LPCAT1: variants seen among roughly 807,000 people sequenced by gnomAD.
LPCAT1 encodes the protein lysophosphatidylcholine acyltransferase 1.
A neutral mutation model predicts 60.9 loss-of-function variants in LPCAT1; 23 were observed. The ratio of observed to expected loss-of-function variants is 0.38; its 90% CI spans 0.27 to 0.53. LPCAT1 has a LOEUF of 0.53. Among genes scored for constraint, LPCAT1 ranks in the 20% least tolerant of loss-of-function variants. LPCAT1 has a pLI of 0.82. For synonymous variants in LPCAT1, 340 were observed against 301.1 expected, an observed-to-expected ratio of 1.13 and a Z score of -1.34; for missense variants, 622 against 723.6, an observed-to-expected ratio of 0.86 and a Z score of 1.61.
intron 8 of LPCAT1, among the ~76,000 whole-genome samples, chr5:1,478,110 AT>A (rs1734997707): frequency 1.3e-5 from 2 of 152,288 alleles, no homozygotes; most frequent in African/African-American, 4.8e-5. Context: ...TTTGGAACAG[AT>A]TATTGGCAGC....
chr5:1,474,445 G>A (rs1276160746), intron 10 of LPCAT1, 115 bp downstream of exon 10: 1 of 1,308,450 alleles, frequency 7.6e-7, no homozygotes, highest in Non-Finnish European at 1.0e-6. Flanking sequence ...AAAAAAGCCA[G>A]AATAATTAAT....
In LPCAT1 at chr5:1,477,242, C is replaced by T. The variant is rs184900679; in HGVS notation, c.899+162G>A. Among the ~76,000 whole-genome samples the T allele has an allele frequency of 6.6e-6, 1 of 152,366 alleles. No homozygotes were observed. The highest frequency in any genetic ancestry group is 1.5e-5 in the Non-Finnish European group (1 of 68,040). ...CCATCAGAGGGAAACAAGGGGCGCA[C>T]AGCACAAGGCCAAGCACGCTTCACC... On this transcript the variant is annotated intron_variant, in intron 9 of 13. Transcript: ENST00000283415. This position sits in a 1 kb window ranked among gnomAD's most constrained non-coding sequence, Gnocchi z 6.0.
chr5:1,479,419 G>A, intron 8 of LPCAT1: 1 of 593,512 alleles, frequency 1.7e-6, no homozygotes, highest in Non-Finnish European at 3.0e-6. Context: ...TATCCAAGTG[G>A]TTCAGACTCA....
chr5:1,479,765 C>T lies in LPCAT1; in HGVS notation c.762-90G>A, dbSNP rs924658382. On this transcript the variant is annotated intron_variant, in intron 7 of 13. Coordinates refer to ENST00000283415, the MANE Select transcript of LPCAT1 (RefSeq NM_024830.5). ...AATTCTGGGGTGAAACCTCCAGACG[C>T]GCCCTCCAGAGGGCGCTACTGGGCA... is the stretch of plus-strand genomic sequence containing the variant. 31 of 1,027,628 alleles carry T rather than the reference C, an allele frequency of 3.0e-5. 1 individual carries two copies. In the African/African-American group the frequency reaches 3.3e-4, roughly 11 times the overall value. 63.7% of individuals were successfully genotyped at this position (1,027,628 alleles called of 1,614,324 possible). A position where few individuals can be genotyped will look rare whatever the true frequency, so the allele number is the denominator to read the frequency against.
At chr5:1,479,315 G>A (rs1019781316) in intron 8 of LPCAT1, among the ~76,000 whole-genome samples, 3 of 152,194 alleles carry the variant, frequency 2.0e-5, no homozygotes, top group Non-Finnish European at 2.9e-5. Flanking sequence ...CCAGGAGGTC[G>A]AGGCTGCAGT....
At position 1,496,742 on chromosome 5, in the gene LPCAT1, T is replaced by C. The variant is rs1735809247; in HGVS notation, c.279-1828A>G. 6.6e-6 allele frequency among the ~76,000 whole-genome samples: 1 copy of C among 152,152 alleles called. No homozygotes were observed. ...CTCTAAAGATCTTGGAGGAATTTTA[T>C]ACCCAAACTATCCACATGTGAAAAC... On this transcript the variant is annotated intron_variant, in intron 2 of 13. Coordinates refer to ENST00000283415, the MANE Select transcript of LPCAT1 (RefSeq NM_024830.5). The surrounding 1 kb of genome is among the most constrained non-coding windows in gnomAD (Gnocchi z 4.7).
At position 1,483,826 on chromosome 5, in the gene LPCAT1, C is replaced by T. The variant is rs554512; in HGVS notation, c.668-340G>A. Among the ~76,000 whole-genome samples, 362 of 133,650 alleles carry T rather than the reference C, an allele frequency of 2.7e-3. 7 individuals are homozygous for T. In the East Asian group the frequency reaches 0.066, roughly 24 times the overall value. The allele number at this position is 133,650 out of a possible 152,430, so 87.7% of individuals were successfully genotyped here. Reference sequence around the variant, plus strand: ...GACATCCGTGGAGGGACACTTTCTGCTGTAACATCGCGCACCAGCTGGAAG... The same window carrying T: ...GACATCCGTGGAGGGACACTTTCTGTTGTAACATCGCGCACCAGCTGGAAG... On this transcript the variant is annotated intron_variant, in intron 5 of 13. Transcript: ENST00000283415. The surrounding 1 kb of genome is among the most constrained non-coding windows in gnomAD (Gnocchi z 9.2).
At position 1,463,361 on chromosome 5, in the gene LPCAT1, ACGGGG is replaced by A; in HGVS notation, c.*285_*289del. The A allele has an allele frequency of 2.6e-6, 1 of 389,394 alleles. No individual in the cohort carries two copies. The highest frequency in any genetic ancestry group is 4.7e-5 in the South Asian group (1 of 21,280). The allele number at this position is 389,394 out of a possible 1,614,324, so 24.1% of individuals were successfully genotyped here. A position where few individuals can be genotyped will look rare whatever the true frequency, so the allele number is the denominator to read the frequency against. On this transcript the variant is annotated 3_prime_UTR_variant, in exon 14 of 14. Transcript: ENST00000283415. The stretch of plus-strand genomic sequence containing the variant: ...CGAAACCAGGGCCCCGTGGGAGAAC[ACGGGG>A]CGGCACCGGTGCCCCCCGCCCGGCA...
intron 4 of LPCAT1, 85 bp downstream of exon 4, chr5:1,489,661 G>A: frequency 1.0e-6 from 1 of 991,778 alleles, no homozygotes; most frequent in Non-Finnish European, 1.6e-6. Context: ...CCGGAGGAAG[G>A]GCCCCAGTTT....
rs1191057365 is a variant in LPCAT1 at position 1,493,267 on chromosome 5, C to T, written c.493+1433G>A. Among the ~76,000 whole-genome samples the T allele has an allele frequency of 7.2e-5, 11 of 152,362 alleles. No homozygotes were observed. In the South Asian group the frequency reaches 1.4e-3, roughly 20 times the overall value. ...CCACCCACAACTGCCCAGCTGCAGG[C>T]ACAGTCTGGACACCTTCCGGCTGCT... On this transcript the variant is annotated intron_variant, in intron 3 of 13. Transcript: ENST00000283415.
intron 12 of LPCAT1, among the ~76,000 whole-genome samples, chr5:1,467,570 G>C (rs775754502): frequency 9.2e-5 from 14 of 152,126 alleles, no homozygotes; most frequent in Admixed American, 2.6e-4. Flanking sequence ...ACTCCACGGC[G>C]CTCCCCTCCC....
In LPCAT1 at chr5:1,487,118, A is replaced by G. The variant is rs1273912322; in HGVS notation, c.667+1273T>C. Among the ~76,000 whole-genome samples the G allele has an allele frequency of 6.6e-6, 1 of 152,188 alleles. No individual in the cohort carries two copies. The highest frequency in any genetic ancestry group is 1.5e-5 in the Non-Finnish European group (1 of 68,020). ...ACTCCCGAGGAACACCTGCCCTTGA[A>G]GACAGGGCCCAGCAGTGACCCCAGC... On this transcript the variant is annotated intron_variant, in intron 5 of 13. Coordinates refer to ENST00000283415, the MANE Select transcript of LPCAT1 (RefSeq NM_024830.5). This position sits in a 1 kb window ranked among gnomAD's most constrained non-coding sequence, Gnocchi z 6.1.
rs981320689 is a variant in LPCAT1 at position 1,521,240 on chromosome 5, C to G, written c.135+2470G>C. 4 of 704,712 alleles carry G rather than the reference C, an allele frequency of 5.7e-6. No homozygotes were observed. Among genetic ancestry groups the G allele is most frequent in the Non-Finnish European group, 7.0e-6 (4 of 574,206 alleles). The allele number at this position is 704,712 out of a possible 1,614,324, so 43.7% of individuals were successfully genotyped here. A position where few individuals can be genotyped will look rare whatever the true frequency, so the allele number is the denominator to read the frequency against. On this transcript the variant is annotated intron_variant, in intron 1 of 13. Coordinates refer to ENST00000283415, the MANE Select transcript of LPCAT1 (RefSeq NM_024830.5). The surrounding 1 kb of genome is among the most constrained non-coding windows in gnomAD (Gnocchi z 4.3). ...CCTCACTAAATCTGTAGTTAAATGA[C>G]AGATGGGCTGGCTGGAGGAGGAGGT... is the stretch of plus-strand genomic sequence containing the variant.
intron 1 of LPCAT1, among the ~76,000 whole-genome samples, chr5:1,503,736 T>C (rs1736099178): frequency 6.6e-6 from 1 of 150,864 alleles, no homozygotes. Context: ...ATAGAGTCCC[T>C]TTTTTTTTGG....
intron 1 of LPCAT1, among the ~76,000 whole-genome samples, chr5:1,513,915 C>T (rs112164964): frequency 5.9e-5 from 9 of 151,354 alleles, no homozygotes; most frequent in African/African-American, 1.9e-4. Context: ...ACCCGTGGGG[C>T]GGAACACCCT....
chr5:1,511,275 G>T (rs1188028274), intron 1 of LPCAT1, among the ~76,000 whole-genome samples: 2 of 152,220 alleles, frequency 1.3e-5, no homozygotes, highest in East Asian at 1.9e-4. Context: ...CGCGCTGTTT[G>T]TGTGTCCCAG....
chr5:1,517,200 C>A (rs80074585), intron 1 of LPCAT1, among the ~76,000 whole-genome samples: 3,720 of 152,226 alleles, frequency 0.024, 65 homozygotes, highest in Non-Finnish European at 0.037. Context: ...AGGAGGCCCA[C>A]AGGACTTGGA....
In LPCAT1 at chr5:1,496,951, C is replaced by T. The variant is rs924133367; in HGVS notation, c.279-2037G>A. ...ACAGATCTATCTGCATACACAGGAG[C>T]GGGGATCTCCATCAGCACCCCCAGG... On this transcript the variant is annotated intron_variant, in intron 2 of 13. Transcript: ENST00000283415. This position sits in a 1 kb window ranked among gnomAD's most constrained non-coding sequence, Gnocchi z 4.7. 2.6e-5 allele frequency among the ~76,000 whole-genome samples: 4 copies of T among 152,120 alleles called. No individual in the cohort carries two copies. Among genetic ancestry groups the T allele is most frequent in the Non-Finnish European group, 5.9e-5 (4 of 68,022 alleles).
intron 2 of LPCAT1, among the ~76,000 whole-genome samples, chr5:1,499,065 G>T (rs1453372828): frequency 1.3e-5 from 2 of 152,222 alleles, no homozygotes; most frequent in African/African-American, 4.8e-5. Flanking sequence ...CACTTCACAC[G>T]TGCATGAGAT....
Sources: gnomAD v4.1 joint callset for allele counts (sites outside exome capture counted in the v4.1 genomes callset) on GRCh38, gnomAD v4.1.1 for gene constraint, Gnocchi (gnomAD v3.1) non-coding constraint, MANE v1.5 for transcripts, NCBI Gene and HGNC (gene_info 2026-07-23, HGNC 2026-07-21) for gene names.